The following TTC39C variants were observed in gnomAD, a reference collection of about 807,000 sequenced individuals.
TTC39C encodes the protein tetratricopeptide repeat domain 39C.
In TTC39C, 33 loss-of-function variants were observed where a neutral mutation model predicts 76.3. The ratio of observed to expected loss-of-function variants is 0.43; its 90% CI spans 0.33 to 0.58. TTC39C has a LOEUF of 0.58. Ranked by LOEUF, TTC39C falls within the 20% of genes least tolerant of loss-of-function variation. TTC39C has a pLI of 0.04. For missense variants in TTC39C, 595 were observed against 701.4 expected, an observed-to-expected ratio of 0.85 and a Z score of 1.71; for synonymous variants, 254 against 260.6, an observed-to-expected ratio of 0.97 and a Z score of 0.24.
chr18:24,069,369 C>A, intron 4 of TTC39C, 98 bp downstream of exon 4: 1 of 947,958 alleles, frequency 1.1e-6, no homozygotes, highest in Non-Finnish European at 1.6e-6. Context: ...TCTTTGAACA[C>A]ATGTGGCACC....
chr18:24,008,721 C>T (rs774348916), intron 1 of TTC39C, among the ~76,000 whole-genome samples: 4 of 152,166 alleles, frequency 2.6e-5, no homozygotes, highest in Admixed American at 2.6e-4. Context: ...GTCATAAAGA[C>T]GCATGTACAC....
intron 1 of TTC39C, among the ~76,000 whole-genome samples, chr18:24,063,107 G>A (rs1336840013): frequency 6.6e-6 from 1 of 152,206 alleles, no homozygotes; most frequent in African/African-American, 2.4e-5. Context: ...ATTTAAGAAG[G>A]TAATTACAAC....
intron 5 of TTC39C, 54 bp from the exon 6 acceptor site, chr18:24,082,859 G>T: frequency 2.0e-6 from 3 of 1,506,090 alleles, no homozygotes; most frequent in Non-Finnish European, 2.7e-6. Flanking sequence ...TTGAAAAATG[G>T]AAATGGTGTA....
chr18:24,064,526 G>C (rs2084142140), intron 2 of TTC39C, among the ~76,000 whole-genome samples: 1 of 152,152 alleles, frequency 6.6e-6, no homozygotes, highest in African/African-American at 2.4e-5. Context: ...TGAAATTATT[G>C]AGTAAATGTG....
chr18:24,020,104 G>A (rs967922308), intron 1 of TTC39C: 26 of 1,277,698 alleles, frequency 2.0e-5, no homozygotes, highest in East Asian at 6.4e-5. Context: ...ATGCAGAGAT[G>A]TAAGAAAAGG....
intron 1 of TTC39C, among the ~76,000 whole-genome samples, chr18:24,030,852 G>A (rs2083660330): frequency 6.6e-6 from 1 of 151,994 alleles, no homozygotes; most frequent in African/African-American, 2.4e-5. Context: ...CGCCATGTTG[G>A]CCAGCCTGGT....
At chr18:24,103,579 CT>C (rs1230058189) in intron 6 of TTC39C, among the ~76,000 whole-genome samples, 1 of 152,200 alleles carries the variant, frequency 6.6e-6, no homozygotes, top group Non-Finnish European at 1.5e-5. Flanking sequence ...TCAGCGTCAG[CT>C]TTTATCTGCT....
intron 4 of TTC39C, among the ~76,000 whole-genome samples, chr18:24,072,420 C>T (rs2084252685): frequency 6.6e-6 from 1 of 152,178 alleles, no homozygotes; most frequent in African/African-American, 2.4e-5. Flanking sequence ...GTTAGCCTCC[C>T]AAGTAGCTAG....
At chr18:24,059,248 G>GAA (rs2084058705) in intron 1 of TTC39C, among the ~76,000 whole-genome samples, 2 of 152,232 alleles carry the variant, frequency 1.3e-5, no homozygotes, top group African/African-American at 4.8e-5. Flanking sequence ...AGGTACATGT[G>GAA]CAGTTTTGTT....
chr18:24,045,689 A>G (rs1358537975), intron 1 of TTC39C, among the ~76,000 whole-genome samples: 2 of 151,888 alleles, frequency 1.3e-5, no homozygotes, highest in African/African-American at 4.8e-5. Flanking sequence ...ATGAAATTTA[A>G]TTATATATTG....
intron 6 of TTC39C, among the ~76,000 whole-genome samples, chr18:24,089,994 T>G (rs930864485): frequency 4.6e-5 from 7 of 152,226 alleles, no homozygotes; most frequent in African/African-American, 1.7e-4. Context: ...AAAATTATTT[T>G]GTAATCTTTA....
At chr18:24,123,216 G>A (rs2084996212) in intron 8 of TTC39C, among the ~76,000 whole-genome samples, 1 of 152,080 alleles carries the variant, frequency 6.6e-6, no homozygotes, top group Non-Finnish European at 1.5e-5. Flanking sequence ...TAACTAGGTT[G>A]TACACTGTGA....
upstream of TTC39C, among the ~76,000 whole-genome samples, chr18:24,013,970 T>A (rs2083412923): frequency 6.6e-6 from 1 of 152,258 alleles, no homozygotes; most frequent in Non-Finnish European, 1.5e-5. Flanking sequence ...TTTAAATATT[T>A]GGGCACATGG....
chr18:24,114,905 A>G, intron 7 of TTC39C: 1 of 326,884 alleles, frequency 3.1e-6, no homozygotes, highest in South Asian at 3.4e-5. Context: ...GACCAGAAAT[A>G]CCTTATTGGA....
chr18:24,106,851 A>C (rs753755306), intron 6 of TTC39C, among the ~76,000 whole-genome samples: 1 of 152,158 alleles, frequency 6.6e-6, no homozygotes, highest in Non-Finnish European at 1.5e-5. Context: ...TGCCTGGCTA[A>C]TTTTTGTATT....
intron 6 of TTC39C, among the ~76,000 whole-genome samples, chr18:24,096,721 T>C (rs540833132): frequency 3.9e-5 from 6 of 152,238 alleles, no homozygotes; most frequent in Non-Finnish European, 8.8e-5. Flanking sequence ...ATTTTATCTG[T>C]ATACTTTTTA....
At position 24,132,468 on chromosome 18, in the gene TTC39C, T is replaced by C; in HGVS notation, c.1663-17T>C. On this transcript the variant is annotated splice_polypyrimidine_tract_variant and intron_variant, in intron 13 of 13. Transcript: ENST00000317571. Reference sequence around the variant, plus strand: ...TTAGCTAACAGAGTGCATAAATATCTTTCTTTGATCTTACAGGAGGATTTC... The same window carrying C: ...TTAGCTAACAGAGTGCATAAATATCCTTCTTTGATCTTACAGGAGGATTTC... The C allele has an allele frequency of 3.7e-6, 6 of 1,612,536 alleles. No homozygotes were observed. The highest frequency in any genetic ancestry group is 5.1e-6 in the Non-Finnish European group (6 of 1,178,840).
At chr18:24,056,541 G>T (rs1405006847) in intron 1 of TTC39C, among the ~76,000 whole-genome samples, 2 of 149,706 alleles carry the variant, frequency 1.3e-5, no homozygotes, top group Admixed American at 6.8e-5. Flanking sequence ...GTTCCTTTGA[G>T]AATCAAATAT....
chr18:24,080,596 G>A lies in TTC39C; in HGVS notation c.472G>A (p.Gly158Ser). 3 of 1,600,330 alleles carry A rather than the reference G, an allele frequency of 1.9e-6. No homozygotes were observed. Among genetic ancestry groups the A allele is most frequent in the Non-Finnish European group, 2.6e-6 (3 of 1,174,254 alleles). The change falls in exon 5 of 14, where the codon GGT becomes AGT. Residue 158 changes from glycine (G) to serine (S), a missense_variant. Gly to Ser is a moderately conservative substitution (Grantham distance 56, BLOSUM62 0). Coordinates refer to ENST00000317571, the MANE Select transcript of TTC39C (RefSeq NM_001135993.2). Reference sequence around the variant, plus strand: ...CCTTCTCTTTTTAGCTTATATCAAAGGTGGGTGGATCCTTAGGAAAGCCTG... The same window carrying A: ...CCTTCTCTTTTTAGCTTATATCAAAAGTGGGTGGATCCTTAGGAAAGCCTG... ...VKQELSAYIKGGWILRKAWKI... is the reference protein window; with the variant it reads ...VKQELSAYIKSGWILRKAWKI...
Sources: allele counts gnomAD v4.1 joint callset (sites outside exome capture counted in the v4.1 genomes callset), GRCh38; gene constraint gnomAD v4.1.1; transcripts MANE v1.5; gene names NCBI Gene and HGNC (gene_info 2026-07-23, HGNC 2026-07-21).